URB2: variants seen among roughly 807,000 people sequenced by gnomAD.
URB2 encodes the protein URB2 ribosome biogenesis homolog.
Under a neutral mutation model 120.9 loss-of-function variants are expected in URB2, and 86 were observed. The ratio of observed to expected loss-of-function variants is 0.71; its 90% CI spans 0.60 to 0.85. URB2 has a LOEUF of 0.85. URB2 is among the 40% of genes least tolerant of loss of function. The probability of loss-of-function intolerance (pLI) is 0.00; values close to 1 mark genes in which losing one functional copy is unlikely to be tolerated. For missense variants in URB2, 1,765 were observed against 1,836.5 expected, an observed-to-expected ratio of 0.96 and a Z score of 0.71; for synonymous variants, 755 against 758.4, an observed-to-expected ratio of 1.00 and a Z score of 0.07.
chr1:229,628,276 T>TATATATATTATATA (rs1558160432), intron 2 of URB2, among the ~76,000 whole-genome samples: 1 of 66,860 alleles, frequency 1.5e-5, no homozygotes, highest in African/African-American at 4.9e-5. Flanking sequence ...TATAAATTAG[T>TATATATATTATATA]CAGACATGGT....
chr1:229,628,223 T>A (rs1290815692), intron 2 of URB2, among the ~76,000 whole-genome samples: 2 of 144,592 alleles, frequency 1.4e-5, no homozygotes, highest in African/African-American at 2.5e-5. Context: ...CATATACATA[T>A]TATATATGTA....
rs199788278 is a variant in URB2 at position 229,643,614 on chromosome 1, C to T, written c.3716C>T (p.Thr1239Met). The T allele has an allele frequency of 3.8e-5, 62 of 1,614,086 alleles. No individual in the cohort carries two copies. Among genetic ancestry groups the T allele is most frequent in the East Asian group, 2.2e-4 (10 of 44,900 alleles). The change falls in exon 5 of 10, where the codon ACG (threonine) becomes ATG (methionine). Residue 1239 changes from threonine (T) to methionine (M), a missense_variant. Physicochemically the swap from Thr to Met is moderately conservative, Grantham distance 81. Transcript: ENST00000258243. Reference protein sequence around the residue: ...ALFTQMLEVGTTEDLRLVMQC... With the variant: ...ALFTQMLEVGMTEDLRLVMQC... ...TTCACCCAAATGTTAGAGGTTGGGA[C>T]GACAGAGGACTTGAGGCTGGTGATG...
chr1:229,648,405 A>C (rs1666200897), intron 7 of URB2, among the ~76,000 whole-genome samples: 1 of 152,150 alleles, frequency 6.6e-6, no homozygotes, highest in Non-Finnish European at 1.5e-5. Context: ...CCACGTCTTT[A>C]AATAAGCCAC....
At chr1:229,656,960 A>G (rs1666419679) in intron 9 of URB2, among the ~76,000 whole-genome samples, 2 of 152,370 alleles carry the variant, frequency 1.3e-5, no homozygotes, top group African/African-American at 2.4e-5. Context: ...TCAGTACTTG[A>G]TAAACCCATC....
At position 229,635,973 on chromosome 1, in the gene URB2, C is replaced by T. The variant is rs115399585; in HGVS notation, c.1360C>T (p.Arg454Cys). 3.6e-5 allele frequency: 58 copies of T among 1,614,192 alleles called. No homozygotes were observed. The highest frequency in any genetic ancestry group is 1.6e-4 in the Middle Eastern group (1 of 6,062). The part of the protein sequence containing the change: ...RTKKAQEALI[R>C]TVFQTYAKLR... ...CAAAAAAGCCCAGGAGGCGCTTATT[C>T]GTACTGTCTTCCAGACTTATGCCAA... Residue 454 changes from arginine (R) to cysteine (C), a missense_variant, in exon 4 of 10, where the codon CGT becomes TGT. Physicochemically the swap from Arg to Cys is radical, Grantham distance 180 (BLOSUM62 -3). Coordinates refer to ENST00000258243, the MANE Select transcript of URB2 (RefSeq NM_014777.4).
At chr1:229,659,065 C>T (rs964350920) in intron 9 of URB2, 35 bp from the exon 10 acceptor site, 2 of 1,594,784 alleles carry the variant, frequency 1.3e-6, no homozygotes, top group Admixed American at 1.7e-5. Flanking sequence ...TCTCTGCCCC[C>T]AATTGTTCTC....
At chr1:229,658,260 C>T (rs887054296) in intron 9 of URB2, among the ~76,000 whole-genome samples, 3 of 152,100 alleles carry the variant, frequency 2.0e-5, no homozygotes, top group Admixed American at 6.5e-5. Flanking sequence ...GAACCTGTTC[C>T]CCCAGCCTTT....
rs116515280 is a variant in URB2, at chr1:229,640,717, G to A, written c.3634+2470G>A. On this transcript the variant is annotated intron_variant, in intron 4 of 9. Coordinates refer to ENST00000258243, the MANE Select transcript of URB2 (RefSeq NM_014777.4). Reference sequence around the variant, plus strand: ...ACTGAAGTGCCATGGGCCAAATCACGCTGCTGTTGTCTCCCTTTCAGTAAC... The same window carrying A: ...ACTGAAGTGCCATGGGCCAAATCACACTGCTGTTGTCTCCCTTTCAGTAAC... 7.0e-3 allele frequency among the ~76,000 whole-genome samples: 1,071 copies of A among 152,270 alleles called. 15 individuals carry two copies. Among genetic ancestry groups the A allele is most frequent in the African/African-American group, 0.025 (1,030 of 41,546 alleles).
At chr1:229,652,203 A>C (rs1038370505) in intron 8 of URB2, among the ~76,000 whole-genome samples, 6 of 152,150 alleles carry the variant, frequency 3.9e-5, no homozygotes, top group African/African-American at 1.2e-4. Context: ...AAAAAACAAA[A>C]AAAAAAATTG....
chr1:229,655,002 G>C (rs905031438), intron 9 of URB2, among the ~76,000 whole-genome samples: 1 of 152,162 alleles, frequency 6.6e-6, no homozygotes, highest in South Asian at 2.1e-4. Flanking sequence ...ATGGAGACTA[G>C]AAAGAGGAGT....
rs1315453688 is a variant in URB2 at position 229,628,111 on chromosome 1, A to AT, written c.126+353dup. Among the ~76,000 whole-genome samples, 4 of 134,322 alleles carry AT rather than the reference A, an allele frequency of 3.0e-5. No individual in the cohort carries two copies. In the Admixed American group the frequency reaches 3.1e-4, roughly 10 times the overall value. 88.1% of individuals were successfully genotyped at this position (134,322 alleles called of 152,430 possible). A position where few individuals can be genotyped will look rare whatever the true frequency, so the allele number is the denominator to read the frequency against. ...AAAAAATTATATATATTATATATGTATATATATGTATATATACATATATAA... is the reference window on the plus strand; with the variant it reads ...AAAAAATTATATATATTATATATGTATTATATATGTATATATACATATATAA... On this transcript the variant is annotated intron_variant, in intron 2 of 9. Transcript: ENST00000258243.
intron 8 of URB2, among the ~76,000 whole-genome samples, chr1:229,653,758 A>G (rs562380284): frequency 1.1e-4 from 17 of 152,212 alleles, no homozygotes; most frequent in Non-Finnish European, 2.4e-4. Flanking sequence ...ATTGAGTCCT[A>G]TGTCTGTCCA....
chr1:229,636,925 C>G lies in URB2; in HGVS notation c.2312C>G (p.Pro771Arg), dbSNP rs568685264. 13 of 1,613,032 alleles carry G rather than the reference C, an allele frequency of 8.1e-6. No individual in the cohort carries two copies. The South Asian group carries it at 1.3e-4, about 16-fold the overall frequency. Residue 771 changes from proline to arginine, a missense_variant, in exon 4 of 10, where the codon CCC becomes CGC. Transcript: ENST00000258243. ...GCCAGTGTCCTGCTGAGAACTTTAC[C>G]CATGGGCAAAGCCCAGGAAGTCTCA... ...YLASVLLRTL[P>R]MGKAQEVSID...
chr1:229,640,359 C>A (rs1665973935), intron 4 of URB2, among the ~76,000 whole-genome samples: 1 of 152,178 alleles, frequency 6.6e-6, no homozygotes, highest in Non-Finnish European at 1.5e-5. Flanking sequence ...AAATAAAACA[C>A]ACTTTTACTC....
rs370231129 is a variant in URB2 at position 229,658,830 on chromosome 1, G to A, written c.4378-270G>A. Among the ~76,000 whole-genome samples the A allele has an allele frequency of 3.3e-5, 5 of 152,322 alleles. No individual in the cohort carries two copies. In the East Asian group the frequency reaches 9.6e-4, roughly 29 times the overall value. On this transcript the variant is annotated intron_variant, in intron 9 of 9. Coordinates refer to ENST00000258243, the MANE Select transcript of URB2 (RefSeq NM_014777.4). ...TAAGCATCATTTACTGAACAGCAAAGCCAGCCTTTTGCTTTCATGGAGTTT... is the reference window on the plus strand; with the variant it reads ...TAAGCATCATTTACTGAACAGCAAAACCAGCCTTTTGCTTTCATGGAGTTT...
Position 229,645,950 on chromosome 1 carries a change from A to G in URB2, c.3887A>G (p.Gln1296Arg), listed in dbSNP as rs1666138686. The G allele has an allele frequency of 6.2e-7, 1 of 1,613,984 alleles. No homozygotes were observed. The highest frequency in any genetic ancestry group is 8.5e-7 in the Non-Finnish European group (1 of 1,180,018). Reference sequence around the variant, plus strand: ...AGTCTGTTGTGGCGTGCGTGTCCCCAGATAGTCACAGCTTTAACAGTGAGT... The same window carrying G: ...AGTCTGTTGTGGCGTGCGTGTCCCCGGATAGTCACAGCTTTAACAGTGAGT... Reference protein sequence around the residue: ...KASLLWRACPQIVTALTLLNR... With the variant: ...KASLLWRACPRIVTALTLLNR... The change falls in exon 6 of 10, where the codon CAG (glutamine) becomes CGG (arginine). Residue 1296 changes from glutamine (Q) to arginine (R), a missense_variant. Physicochemically the swap from Gln to Arg is conservative, Grantham distance 43. Coordinates refer to ENST00000258243, the MANE Select transcript of URB2 (RefSeq NM_014777.4).
At chr1:229,657,675 A>G (rs1666437725) in intron 9 of URB2, among the ~76,000 whole-genome samples, 1 of 152,144 alleles carries the variant, frequency 6.6e-6, no homozygotes, top group African/African-American at 2.4e-5. Flanking sequence ...AAATTCACAG[A>G]CACGCCATTC....
intron 8 of URB2, among the ~76,000 whole-genome samples, chr1:229,651,983 C>A (rs933631556): frequency 2.4e-4 from 37 of 152,040 alleles, no homozygotes; most frequent in African/African-American, 8.7e-4. Context: ...GGAGTTGAAG[C>A]CCAGCCTGGC....
At chr1:229,651,460 A>G (rs1666272070) in intron 8 of URB2, 138 bp downstream of exon 8, 4 of 673,314 alleles carry the variant, frequency 5.9e-6, no homozygotes, top group Admixed American at 3.9e-5. Flanking sequence ...TACTCAAAAT[A>G]TATATTTTTT....
Sources: gnomAD v4.1 joint callset for allele counts (sites outside exome capture counted in the v4.1 genomes callset) on GRCh38, gnomAD v4.1.1 for gene constraint, MANE v1.5 for transcripts, NCBI Gene and HGNC (gene_info 2026-07-23, HGNC 2026-07-21) for gene names.